The following SPAG16 variants were observed in gnomAD, a reference collection of about 807,000 sequenced individuals.
SPAG16 encodes sperm-associated antigen 16 protein.
Under a neutral mutation model 80.4 loss-of-function variants are expected in SPAG16, and 86 were observed. The observed-to-expected ratio is 1.07, with a 90% CI of 0.90 to 1.28. The LOEUF is 1.28. Among genes scored for constraint, SPAG16 ranks in the 50% most tolerant of loss-of-function variants. The probability of loss-of-function intolerance (pLI) is 0.00; values close to 1 mark genes in which losing one functional copy is unlikely to be tolerated. For synonymous variants in SPAG16, 294 were observed against 265.9 expected, an observed-to-expected ratio of 1.11 and a Z score of -1.03; for missense variants, 870 against 765.3, an observed-to-expected ratio of 1.14 and a Z score of -1.61.
At chr2:213,898,122 T>A (rs1248676848) in intron 11 of SPAG16, among the ~76,000 whole-genome samples, 2 of 152,148 alleles carry the variant, frequency 1.3e-5, no homozygotes, top group Non-Finnish European at 2.9e-5. Flanking sequence ...TTGATGAGAA[T>A]ACTGAAAAAC....
intron 10 of SPAG16, among the ~76,000 whole-genome samples, chr2:213,653,252 G>C (rs2063092581): frequency 6.6e-6 from 1 of 152,106 alleles, no homozygotes; most frequent in African/African-American, 2.4e-5. Flanking sequence ...TTGAAATACT[G>C]ATGTAATTAT....
intron 15 of SPAG16, among the ~76,000 whole-genome samples, chr2:214,249,376 T>G (rs1298826050): frequency 6.6e-6 from 1 of 151,934 alleles, no homozygotes; most frequent in Non-Finnish European, 1.5e-5. Flanking sequence ...GTTGACTGTT[T>G]ACCACCCACA....
chr2:213,761,032 T>C (rs1474591267), intron 10 of SPAG16, among the ~76,000 whole-genome samples: 3 of 152,226 alleles, frequency 2.0e-5, no homozygotes, highest in Non-Finnish European at 4.4e-5. Flanking sequence ...CTCCTAACAC[T>C]GTTGCATTGG....
In SPAG16 at chr2:213,306,286, A is replaced by ATTT. The variant is rs1480064682; in HGVS notation, c.280-3772_280-3770dup. On this transcript the variant is annotated intron_variant, in intron 3 of 15. Coordinates refer to ENST00000331683, the MANE Select transcript of SPAG16 (RefSeq NM_024532.5). Reference sequence around the variant, plus strand: ...TTGTTTATCTTTTGAAAAAACCAACATTTGTTTTATTGATCTATTGTATTG... The same window carrying ATTT: ...TTGTTTATCTTTTGAAAAAACCAACATTTTTTGTTTTATTGATCTATTGTATTG... Among the ~76,000 whole-genome samples, 4 of 105,658 alleles carry ATTT rather than the reference A, an allele frequency of 3.8e-5. 1 individual carries two copies. The highest frequency in any genetic ancestry group is 1.1e-4 in the African/African-American group (3 of 28,558). The allele number at this position is 105,658 out of a possible 152,430, so 69.3% of individuals were successfully genotyped here.
intron 12 of SPAG16, among the ~76,000 whole-genome samples, chr2:213,943,686 C>A (rs184802179): frequency 2.6e-5 from 4 of 152,114 alleles, no homozygotes; most frequent in African/African-American, 9.6e-5. Flanking sequence ...GTGTGATGAG[C>A]AAAAGGAATT....
At chr2:213,695,939 A>T (rs997091259) in intron 10 of SPAG16, among the ~76,000 whole-genome samples, 1 of 152,186 alleles carries the variant, frequency 6.6e-6, no homozygotes, top group African/African-American at 2.4e-5. Flanking sequence ...TACCATGCTG[A>T]ATGTTGATGG....
intron 10 of SPAG16, among the ~76,000 whole-genome samples, chr2:213,540,505 A>G (rs2076409459): frequency 6.6e-6 from 1 of 152,200 alleles, no homozygotes; most frequent in Non-Finnish European, 1.5e-5. Flanking sequence ...AAATCAATGA[A>G]AATTTAATAT....
intron 10 of SPAG16, among the ~76,000 whole-genome samples, chr2:213,572,703 C>T (rs2059959509): frequency 6.6e-6 from 1 of 151,988 alleles, no homozygotes; most frequent in Admixed American, 6.5e-5. Flanking sequence ...TTGTCTGTGC[C>T]CTGCCCCCAG....
intron 9 of SPAG16, among the ~76,000 whole-genome samples, chr2:213,480,852 GT>G (rs1409598748): frequency 6.6e-6 from 1 of 152,222 alleles, no homozygotes; most frequent in East Asian, 1.9e-4. Context: ...CCTTTCAGAT[GT>G]TTTTTATTAT....
chr2:213,342,577 T>C (rs1328440927), intron 6 of SPAG16, among the ~76,000 whole-genome samples: 1 of 151,828 alleles, frequency 6.6e-6, no homozygotes, highest in African/African-American at 2.4e-5. Flanking sequence ...ATTAATGACG[T>C]TTATAAATAC....
chr2:213,974,661 C>A (rs2045262741), intron 12 of SPAG16, among the ~76,000 whole-genome samples: 2 of 152,018 alleles, frequency 1.3e-5, no homozygotes, highest in Admixed American at 6.6e-5. Flanking sequence ...TATATGCTTT[C>A]TATAAGTATA....
chr2:214,311,227 G>A (rs545971585), intron 15 of SPAG16, among the ~76,000 whole-genome samples: 5 of 152,196 alleles, frequency 3.3e-5, no homozygotes, highest in African/African-American at 7.2e-5. Flanking sequence ...CAGCACACTC[G>A]AAGGACTATA....
At position 213,577,159 on chromosome 2, in the gene SPAG16, T is replaced by C. The variant is rs73988553; in HGVS notation, c.1070+87069T>C. Among the ~76,000 whole-genome samples the C allele has an allele frequency of 7.5e-3, 1,146 of 152,206 alleles. 24 individuals are homozygous for C. The highest frequency in any genetic ancestry group is 0.027 in the African/African-American group (1,104 of 41,546). On this transcript the variant is annotated intron_variant, in intron 10 of 15. Coordinates refer to ENST00000331683, the MANE Select transcript of SPAG16 (RefSeq NM_024532.5). ...TCAATTAATAAAGGGTACATTTTAA[T>C]AGAGGAATCAACATTATATACTCTT... is the stretch of plus-strand genomic sequence containing the variant.
At chr2:213,737,756 G>C (rs555271604) in intron 10 of SPAG16, among the ~76,000 whole-genome samples, 1 of 152,184 alleles carries the variant, frequency 6.6e-6, no homozygotes, top group Admixed American at 6.5e-5. Flanking sequence ...CCAAAGTGCT[G>C]GGATTACAGG....
intron 15 of SPAG16, among the ~76,000 whole-genome samples, chr2:214,291,486 T>C (rs1693799259): frequency 6.6e-6 from 1 of 151,144 alleles, no homozygotes; most frequent in Non-Finnish European, 1.5e-5. Context: ...TTTGTATTTT[T>C]AGTAGAGACG....
intron 10 of SPAG16, among the ~76,000 whole-genome samples, chr2:213,745,606 T>C (rs547843834): frequency 6.6e-6 from 1 of 152,312 alleles, no homozygotes; most frequent in African/African-American, 2.4e-5. Flanking sequence ...ATTCATACTT[T>C]TAAGAAAAAT....
intron 10 of SPAG16, among the ~76,000 whole-genome samples, chr2:213,778,514 C>G (rs907893260): frequency 2.0e-5 from 3 of 152,088 alleles, no homozygotes; most frequent in Non-Finnish European, 2.9e-5. Flanking sequence ...GCTTTCATCT[C>G]TATTATATCT....
chr2:214,358,197 C>T (rs1414638491), intron 15 of SPAG16, among the ~76,000 whole-genome samples: 3 of 151,796 alleles, frequency 2.0e-5, no homozygotes, highest in African/African-American at 7.3e-5. Flanking sequence ...ATGCGATGCT[C>T]TTGGTGTCAC....
At chr2:213,968,091 CCTT>C (rs557164341) in intron 12 of SPAG16, among the ~76,000 whole-genome samples, 257 of 131,188 alleles carry the variant, frequency 2.0e-3, no homozygotes, top group African/African-American at 6.9e-3. Flanking sequence ...TTTCTTCTTT[CCTT>C]CTTTTTTCTT....
Sources: gnomAD v4.1 joint callset for allele counts (sites outside exome capture counted in the v4.1 genomes callset) on GRCh38, gnomAD v4.1.1 for gene constraint, MANE v1.5 for transcripts, NCBI Gene and HGNC (gene_info 2026-07-23, HGNC 2026-07-21) for gene names.